Variants in TET2 observed in about 807,000 individuals in gnomAD.
TET2 encodes the protein methylcytosine dioxygenase TET2.
A neutral mutation model predicts 142.9 loss-of-function variants in TET2; 299 were observed. The ratio of observed to expected loss-of-function variants is 2.09; its 90% CI spans 1.90 to 2.30. The LOEUF (loss-of-function observed/expected upper bound fraction) is 2.30. TET2 is among the 30% of genes most tolerant of loss of function. The pLI is 0.00. For synonymous variants in TET2, 819 were observed against 849.0 expected, an observed-to-expected ratio of 0.96 and a Z score of 0.61; for missense variants, 2,418 against 2,378.0, an observed-to-expected ratio of 1.02 and a Z score of -0.35.
chr4:105,186,355 T>C (rs1219626650), intron 1 of TET2, among the ~76,000 whole-genome samples: 1 of 152,152 alleles, frequency 6.6e-6, no homozygotes, highest in African/African-American at 2.4e-5. Context: ...ACCTCTGTCT[T>C]CAGCACTACC....
In TET2 at chr4:105,272,871, C is replaced by T. The variant is rs1388164526; in HGVS notation, c.4490C>T (p.Ser1497Leu). 4 of 1,549,132 alleles carry T rather than the reference C, an allele frequency of 2.6e-6. No homozygotes were observed. Among genetic ancestry groups the T allele is most frequent in the Admixed American group, 2.0e-5 (1 of 50,312 alleles). The change falls in exon 10 of 11, where the codon TCA becomes TTA. Residue 1497 changes from serine (S) to leucine (L), a missense_variant. Transcript: ENST00000380013. Reference sequence around the variant, plus strand: ...AATGAAAAGGAAAAGTCAGCCCCATCACGTACAAAACAAACTGAAAACGCA... The same window carrying T: ...AATGAAAAGGAAAAGTCAGCCCCATTACGTACAAAACAAACTGAAAACGCA... The part of the protein sequence containing the change: ...NKNEKEKSAP[S>L]RTKQTENASQ...
At chr4:105,259,832 A>T in intron 7 of TET2, 63 bp downstream of exon 7, 3 of 1,480,214 alleles carry the variant, frequency 2.0e-6, no homozygotes, top group Non-Finnish European at 2.7e-6. Flanking sequence ...AGCTTAGATG[A>T]AGTGAACAAT....
chr4:105,190,560 T>C, intron 2 of TET2, 55 bp downstream of exon 2: 1 of 688,440 alleles, frequency 1.5e-6, no homozygotes, highest in South Asian at 1.5e-5. Flanking sequence ...TTATTCCTAA[T>C]GTAATGGTAA....
rs1443852779 is a variant in TET2 at position 105,204,266 on chromosome 4, C to CACACACAT, written c.-47+13764_-47+13765insCACATACA. Among the ~76,000 whole-genome samples, 893 of 140,002 alleles carry CACACACAT rather than the reference C, an allele frequency of 6.4e-3. 2 individuals carry two copies. Among genetic ancestry groups the CACACACAT allele is most frequent in the Non-Finnish European group, 0.011 (725 of 66,840 alleles). 91.8% of individuals were successfully genotyped at this position (140,002 alleles called of 152,430 possible). A position where few individuals can be genotyped will look rare whatever the true frequency, so the allele number is the denominator to read the frequency against. Reference sequence around the variant, plus strand: ...ACACACACACACACACACACACACACACATACATACATACATTAGAAAACT... The same window carrying CACACACAT: ...ACACACACACACACACACACACACACACACACATACATACATACATACATTAGAAAACT... On this transcript the variant is annotated intron_variant, in intron 2 of 10. Transcript: ENST00000380013.
At chr4:105,242,255 C>T (rs1729344366) in intron 4 of TET2, 1 of 1,087,354 alleles carries the variant, frequency 9.2e-7, no homozygotes, top group Non-Finnish European at 1.1e-6. Context: ...TAGTGAATTT[C>T]CCTAAGTGCC....
rs1728782154 is a variant in TET2 at position 105,235,265 on chromosome 4, T to G, written c.1323T>G (p.Ser441Arg). 3 of 1,613,816 alleles carry G rather than the reference T, an allele frequency of 1.9e-6. No homozygotes were observed. Among genetic ancestry groups the G allele is most frequent in the Non-Finnish European group, 2.5e-6 (3 of 1,179,980 alleles). The change falls in exon 3 of 11, where the codon AGT (serine) becomes AGG (arginine). Residue 441 changes from serine (S) to arginine (R), a missense_variant. Transcript: ENST00000380013. ...LEEHHHYPNQ[S>R]NTTLLREVKI... ...AACACCACCACTACCCCAACCAAAGTAACACAACACTTTTAAGGGAAGTGA... is the reference window on the plus strand; with the variant it reads ...AACACCACCACTACCCCAACCAAAGGAACACAACACTTTTAAGGGAAGTGA...
intron 2 of TET2, among the ~76,000 whole-genome samples, chr4:105,220,251 C>A (rs1727738064): frequency 6.6e-6 from 1 of 152,062 alleles, no homozygotes; most frequent in Non-Finnish European, 1.5e-5. Context: ...AAAAATCATA[C>A]CTCCGTATAT....
chr4:105,219,870 C>T (rs1479770036), intron 2 of TET2, among the ~76,000 whole-genome samples: 1 of 152,108 alleles, frequency 6.6e-6, no homozygotes, highest in Non-Finnish European at 1.5e-5. Context: ...CTTGATTCCT[C>T]GTTAGCTGCC....
chr4:105,211,637 G>T (rs1176019649), intron 2 of TET2, among the ~76,000 whole-genome samples: 1 of 152,188 alleles, frequency 6.6e-6, no homozygotes, highest in Non-Finnish European at 1.5e-5. Flanking sequence ...AGAGGGCACT[G>T]CAGCTGGCTG....
intron 2 of TET2, among the ~76,000 whole-genome samples, chr4:105,209,237 A>G (rs1727021066): frequency 6.6e-6 from 1 of 151,208 alleles, no homozygotes. Context: ...GAGTCTGATT[A>G]ATAACGTTTA....
chr4:105,218,163 T>C lies in TET2; in HGVS notation c.-46-15734T>C, dbSNP rs372401754. ...AAGGGCACCCAGTGATTCTTGAAGA[T>C]GAAGAGTCTTAGGAATATTTATTTT... On this transcript the variant is annotated intron_variant, in intron 2 of 10. Coordinates refer to ENST00000380013, the MANE Select transcript of TET2 (RefSeq NM_001127208.3). Among the ~76,000 whole-genome samples, 25 of 152,114 alleles carry C rather than the reference T, an allele frequency of 1.6e-4. 1 individual carries two copies. The highest frequency in any genetic ancestry group is 5.8e-4 in the East Asian group (3 of 5,200).
chr4:105,160,092 A>G (rs1723773695), intron 1 of TET2, among the ~76,000 whole-genome samples: 1 of 152,202 alleles, frequency 6.6e-6, no homozygotes, highest in Non-Finnish European at 1.5e-5. Context: ...CTGACCAGAA[A>G]ACACTCAAGA....
chr4:105,243,783 G>A lies in TET2; in HGVS notation c.3803+5G>A, dbSNP rs761874646. On this transcript the variant is annotated splice_donor_5th_base_variant and intron_variant, in intron 6 of 10. Coordinates refer to ENST00000380013, the MANE Select transcript of TET2 (RefSeq NM_001127208.3). ...CCGGTGTGCCTTGAATGAAGAGTAA[G>A]TGAAGCCCAGGGCCTCTCCCCTCTT... 9.0e-6 allele frequency: 14 copies of A among 1,550,996 alleles called. No individual in the cohort carries two copies. Among genetic ancestry groups the A allele is most frequent in the Admixed American group, 3.9e-5 (2 of 50,952 alleles).
chr4:105,256,574 A>G (rs1730144420), intron 6 of TET2, among the ~76,000 whole-genome samples: 2 of 152,086 alleles, frequency 1.3e-5, no homozygotes. Flanking sequence ...ATGTATGCAT[A>G]TCTTTGGGTT....
intron 1 of TET2, chr4:105,172,722 G>A (rs1232426192): frequency 6.6e-6 from 1 of 152,106 alleles, no homozygotes. Flanking sequence ...TGAATTCAAG[G>A]TTTCTTGCAG....
intron 2 of TET2, among the ~76,000 whole-genome samples, chr4:105,191,598 A>T (rs905104316): frequency 6.6e-6 from 1 of 152,158 alleles, no homozygotes; most frequent in Non-Finnish European, 1.5e-5. Context: ...CAAATCTTCT[A>T]ATAAGCCTGT....
rs1460770215 is a variant in TET2 at position 105,259,659 on chromosome 4, G to A, written c.3844G>A (p.Gly1282Ser). The part of the protein sequence containing the change: ...ACQGLDPETC[G>S]ASFSFGCSWS... ...TCAGGGGCTGGATCCAGAAACCTGT[G>A]GTGCCTCCTTCTCTTTTGGTTGTTC... is the stretch of plus-strand genomic sequence containing the variant. Residue 1282 changes from glycine to serine, a missense_variant, in exon 7 of 11, where the codon GGT becomes AGT. By Grantham distance (56) the Gly-to-Ser change is moderately conservative. Coordinates refer to ENST00000380013, the MANE Select transcript of TET2 (RefSeq NM_001127208.3). The A allele has an allele frequency of 6.4e-7, 1 of 1,550,984 alleles. No homozygotes were observed. Among genetic ancestry groups the A allele is most frequent in the Non-Finnish European group, 8.7e-7 (1 of 1,146,456 alleles).
intron 3 of TET2, chr4:105,240,681 TCTC>T: frequency 9.3e-7 from 1 of 1,080,350 alleles, no homozygotes; most frequent in Non-Finnish European, 1.1e-6. Context: ...TCTTCACTCT[TCTC>T]TTATCACCCA....
chr4:105,153,294 C>G (rs1351740759), intron 1 of TET2, among the ~76,000 whole-genome samples: 2 of 152,176 alleles, frequency 1.3e-5, no homozygotes, highest in African/African-American at 4.8e-5. Flanking sequence ...TTCAGATGTC[C>G]TCAGTTTAAC....
Sources: allele counts gnomAD v4.1 joint callset (sites outside exome capture counted in the v4.1 genomes callset), GRCh38; gene constraint gnomAD v4.1.1; transcripts MANE v1.5; gene names NCBI Gene and HGNC (gene_info 2026-07-23, HGNC 2026-07-21).